MLLT3: variants seen among roughly 807,000 people sequenced by gnomAD.
MLLT3 encodes the protein protein AF-9.
Under a neutral mutation model 53.2 loss-of-function variants are expected in MLLT3, and 4 were observed. That is an observed-to-expected ratio of 0.08 (90% CI 0.04 to 0.17). MLLT3 has a LOEUF of 0.17. MLLT3 is among the 10% of genes least tolerant of loss of function. The pLI is 1.00. For synonymous variants in MLLT3, 283 were observed against 230.6 expected (o/e 1.23, Z -2.06); for missense variants, 569 against 684.0 (o/e 0.83, Z 1.87).
At chr9:20,585,205 C>A (rs1408566950) in intron 2 of MLLT3, among the ~76,000 whole-genome samples, 1 of 152,136 alleles carries the variant, frequency 6.6e-6, no homozygotes, top group Non-Finnish European at 1.5e-5. Context: ...TGTAGATGGC[C>A]AACTTCTCAC....
At position 20,621,646 on chromosome 9, in the gene MLLT3, G is replaced by A. The variant is rs1016685253; in HGVS notation, c.12+599C>T. On this transcript the variant is annotated intron_variant, in intron 1 of 10. Coordinates refer to ENST00000380338, the MANE Select transcript of MLLT3 (RefSeq NM_004529.4). The surrounding 1 kb of genome is among the most constrained non-coding windows in gnomAD (Gnocchi z 7.0). ...ATGAAATTCAGAAAGGCAGGGCGGC[G>A]GGCGGACAGCCGCCGAGCCTCGGCT... 7.8e-6 allele frequency: 7 copies of A among 895,376 alleles called. No individual in the cohort carries two copies. The highest frequency in any genetic ancestry group is 1.8e-5 in the South Asian group (1 of 54,918). The allele number at this position is 895,376 out of a possible 1,614,324, so 55.5% of individuals were successfully genotyped here.
At chr9:20,363,356 T>C (rs570760634) in intron 7 of MLLT3, 120 bp downstream of exon 7, 11 of 1,171,184 alleles carry the variant, frequency 9.4e-6, no homozygotes, top group Middle Eastern at 2.8e-4. Flanking sequence ...CTGCATCAAA[T>C]GAATGTGACC....
intron 2 of MLLT3, among the ~76,000 whole-genome samples, chr9:20,553,562 G>C (rs995830493): frequency 6.6e-6 from 1 of 152,132 alleles, no homozygotes; most frequent in Non-Finnish European, 1.5e-5. Context: ...TGGAATGAAC[G>C]ATTTGTCTAT....
At chr9:20,447,364 AGATGG>A (rs1823731229) in intron 4 of MLLT3, among the ~76,000 whole-genome samples, 2 of 152,226 alleles carry the variant, frequency 1.3e-5, no homozygotes, top group Admixed American at 1.3e-4. Flanking sequence ...ATCTCAAAAT[AGATGG>A]GGTGTGAAGT....
chr9:20,450,025 A>G (rs1823800414), intron 3 of MLLT3, among the ~76,000 whole-genome samples: 1 of 152,218 alleles, frequency 6.6e-6, no homozygotes. Flanking sequence ...AGGTTGACTT[A>G]CGGCAGCATC....
At chr9:20,501,167 A>G (rs1416613433) in intron 2 of MLLT3, among the ~76,000 whole-genome samples, 1 of 152,170 alleles carries the variant, frequency 6.6e-6, no homozygotes, top group Non-Finnish European at 1.5e-5. Context: ...ATAAATCATG[A>G]TGTCACAAAT....
chr9:20,465,637 G>T (rs1824220689), intron 2 of MLLT3, among the ~76,000 whole-genome samples: 1 of 152,120 alleles, frequency 6.6e-6, no homozygotes, highest in East Asian at 1.9e-4. Context: ...AAACGTGATG[G>T]CTCAATATTA....
intron 5 of MLLT3, among the ~76,000 whole-genome samples, chr9:20,395,399 C>A (rs888100876): frequency 6.6e-5 from 10 of 152,084 alleles, no homozygotes; most frequent in Non-Finnish European, 1.2e-4. Context: ...TTTACAAGAC[C>A]ACAGGAGTTT....
chr9:20,505,540 G>C (rs1056385075), intron 2 of MLLT3, among the ~76,000 whole-genome samples: 2 of 152,220 alleles, frequency 1.3e-5, no homozygotes, highest in African/African-American at 4.8e-5. Flanking sequence ...AAAATAACAA[G>C]TGGGCAGAGG....
intron 5 of MLLT3, among the ~76,000 whole-genome samples, chr9:20,410,975 C>A (rs1334965218): frequency 6.6e-6 from 1 of 152,136 alleles, no homozygotes; most frequent in Non-Finnish European, 1.5e-5. Flanking sequence ...CACCCCATGT[C>A]CCACAAATGA....
At chr9:20,521,494 G>C (rs1167581901) in intron 2 of MLLT3, among the ~76,000 whole-genome samples, 1 of 151,646 alleles carries the variant, frequency 6.6e-6, no homozygotes, top group African/African-American at 2.4e-5. Flanking sequence ...GTAAATGAGA[G>C]AAAATGGATG....
At chr9:20,451,425 G>C (rs1178523252) in intron 3 of MLLT3, among the ~76,000 whole-genome samples, 1 of 152,058 alleles carries the variant, frequency 6.6e-6, no homozygotes, top group Non-Finnish European at 1.5e-5. Flanking sequence ...TCACTTTATA[G>C]TCTACAACAG....
intron 2 of MLLT3, among the ~76,000 whole-genome samples, chr9:20,581,622 C>T (rs983845742): frequency 6.6e-6 from 1 of 152,122 alleles, no homozygotes; most frequent in Non-Finnish European, 1.5e-5. Context: ...CCTGTTTAGG[C>T]CCCTGGCAGC....
intron 2 of MLLT3, among the ~76,000 whole-genome samples, chr9:20,515,219 T>A (rs930293418): frequency 6.6e-6 from 1 of 152,144 alleles, no homozygotes; most frequent in African/African-American, 2.4e-5. Context: ...GTGCTGGGAT[T>A]ACAGGCGTGA....
At chr9:20,493,419 CAGGA>C (rs1315124740) in intron 2 of MLLT3, among the ~76,000 whole-genome samples, 1 of 151,968 alleles carries the variant, frequency 6.6e-6, no homozygotes, top group African/African-American at 2.4e-5. Flanking sequence ...TTTTAACACT[CAGGA>C]AGGGTTAGTA....
chr9:20,353,754 T>C (rs1821095310), intron 9 of MLLT3, among the ~76,000 whole-genome samples, 158 bp from the exon 10 acceptor site: 1 of 152,222 alleles, frequency 6.6e-6, no homozygotes, highest in Non-Finnish European at 1.5e-5. Context: ...CAAAGGCCTC[T>C]GCAGAACAAG....
At chr9:20,421,964 T>A (rs1223172612) in intron 4 of MLLT3, among the ~76,000 whole-genome samples, 2 of 152,072 alleles carry the variant, frequency 1.3e-5, no homozygotes. Flanking sequence ...AATGTTATAA[T>A]AAAATTATAA....
intron 2 of MLLT3, among the ~76,000 whole-genome samples, chr9:20,598,942 A>C (rs1183649997): frequency 6.6e-6 from 1 of 152,356 alleles, no homozygotes; most frequent in African/African-American, 2.4e-5. Flanking sequence ...TTAAAGGGAA[A>C]AGCACAATAT....
chr9:20,601,033 T>A (rs1380559087), intron 2 of MLLT3, among the ~76,000 whole-genome samples: 2 of 152,254 alleles, frequency 1.3e-5, no homozygotes, highest in Admixed American at 1.3e-4. Context: ...CAGACATGTT[T>A]GCTTTTTCTC....
Sources: gnomAD v4.1 joint callset for allele counts (sites outside exome capture counted in the v4.1 genomes callset) on GRCh38, gnomAD v4.1.1 for gene constraint, Gnocchi (gnomAD v3.1) non-coding constraint, MANE v1.5 for transcripts, NCBI Gene and HGNC (gene_info 2026-07-23, HGNC 2026-07-21) for gene names.